Variants in MREG observed in about 807,000 individuals in gnomAD.
MREG encodes melanoregulin, also known as dilute suppressor protein homolog.
In MREG, 31 loss-of-function variants were observed where a neutral mutation model predicts 28.5. The observed-to-expected ratio is 1.09, with a 90% CI of 0.82 to 1.47. The LOEUF (loss-of-function observed/expected upper bound fraction) is 1.47. Among genes scored for constraint, MREG ranks in the 40% most tolerant of loss-of-function variants. MREG has a pLI of 0.00. For missense variants in MREG, 256 were observed against 257.4 expected, an observed-to-expected ratio of 0.99 and a Z score of 0.04; for synonymous variants, 106 against 95.2, an observed-to-expected ratio of 1.11 and a Z score of -0.66.
At chr2:215,941,734 CT>C (rs1692199671), downstream of MREG, 1 of 152,174 alleles carries the variant, frequency 6.6e-6, no homozygotes, top group African/African-American at 2.4e-5. Flanking sequence ...TCCTTGAGGT[CT>C]TTTGAAGGTA....
intron 1 of MREG, among the ~76,000 whole-genome samples, chr2:216,023,047 C>T (rs1269108156): frequency 6.6e-6 from 1 of 152,166 alleles, no homozygotes; most frequent in Admixed American, 6.5e-5. Flanking sequence ...GTTCACCATT[C>T]CTTTATATGG....
At chr2:216,018,271 A>C (rs1265111332), upstream of MREG, among the ~76,000 whole-genome samples, 1 of 152,250 alleles carries the variant, frequency 6.6e-6, no homozygotes, top group African/African-American at 2.4e-5. Context: ...TTCTACAAAA[A>C]TTTATTAAGT....
chr2:215,954,996 C>T (rs1268050294), intron 2 of MREG, among the ~76,000 whole-genome samples: 2 of 152,212 alleles, frequency 1.3e-5, no homozygotes, highest in Non-Finnish European at 2.9e-5. Context: ...AGCCACCTCA[C>T]CTGGCCACAT....
At chr2:216,007,407 A>T (rs563952423) in intron 1 of MREG, among the ~76,000 whole-genome samples, 7 of 76,436 alleles carry the variant, frequency 9.2e-5, no homozygotes, top group African/African-American at 4.5e-4. Flanking sequence ...GCAACATTTT[A>T]TTTATTTATT....
At chr2:216,024,613 C>G (rs916744990) in intron 1 of MREG, among the ~76,000 whole-genome samples, 1 of 152,002 alleles carries the variant, frequency 6.6e-6, no homozygotes, top group African/African-American at 2.4e-5. Flanking sequence ...GTGGCTCATG[C>G]CTATAATCCC....
intron 1 of MREG, among the ~76,000 whole-genome samples, chr2:216,001,732 T>C (rs1694017297): frequency 6.6e-6 from 1 of 152,188 alleles, no homozygotes; most frequent in African/African-American, 2.4e-5. Flanking sequence ...GCTCACCAGA[T>C]CCTGGGTCCC....
chr2:215,946,959 G>T (rs561492001), intron 3 of MREG, 64 bp downstream of exon 3: 14 of 948,364 alleles, frequency 1.5e-5, no homozygotes, highest in Middle Eastern at 4.5e-4. Context: ...CCATGGTGGA[G>T]AAATTGAAGA....
chr2:215,964,840 C>CAGATAGACAGATAGAT (rs1553548850), intron 2 of MREG, among the ~76,000 whole-genome samples: 1 of 149,626 alleles, frequency 6.7e-6, no homozygotes, highest in African/African-American at 2.5e-5. Flanking sequence ...GACAGACAGA[C>CAGATAGACAGATAGAT]AGATAGATAG....
At chr2:215,963,189 G>A (rs919373912) in intron 2 of MREG, among the ~76,000 whole-genome samples, 1 of 152,134 alleles carries the variant, frequency 6.6e-6, no homozygotes, top group African/African-American at 2.4e-5. Flanking sequence ...GCCAGGTGAC[G>A]TGGCTTGCAC....
chr2:215,951,583 G>C (rs183111704), intron 2 of MREG, among the ~76,000 whole-genome samples: 22 of 152,292 alleles, frequency 1.4e-4, no homozygotes, highest in Admixed American at 1.3e-3. Context: ...ATTAGCAAAG[G>C]TGTAGCAAAA....
intron 1 of MREG, among the ~76,000 whole-genome samples, chr2:215,998,420 C>CTG (rs1693930581): frequency 6.6e-6 from 1 of 152,004 alleles, no homozygotes; most frequent in African/African-American, 2.4e-5. Context: ...CCAAGGCTAG[C>CTG]AGGAGACCAG....
chr2:215,972,262 A>T (rs1693119610), intron 2 of MREG, among the ~76,000 whole-genome samples: 1 of 152,254 alleles, frequency 6.6e-6, no homozygotes, highest in Non-Finnish European at 1.5e-5. Flanking sequence ...AACTCCAGCA[A>T]GAAAGCACTG....
chr2:215,993,272 C>T (rs1427599717), intron 2 of MREG, among the ~76,000 whole-genome samples: 1 of 152,178 alleles, frequency 6.6e-6, no homozygotes, highest in African/African-American at 2.4e-5. Context: ...CGCCACACAT[C>T]TAAAACCATC....
Position 216,013,387 on chromosome 2 carries a change from T to G in MREG, c.-60A>C. 3.0e-6 allele frequency: 4 copies of G among 1,347,308 alleles called. No individual in the cohort carries two copies. Among genetic ancestry groups the G allele is most frequent in the Non-Finnish European group, 2.9e-6 (3 of 1,018,166 alleles). 83.5% of individuals were successfully genotyped at this position (1,347,308 alleles called of 1,614,324 possible). ...GGGGCCGAGTCGCCGCGGCGAGCGA[T>G]CGAGGCTGGGGCGCGGCCACCGCGC... On this transcript the variant is annotated 5_prime_UTR_variant, in exon 1 of 5. Coordinates refer to ENST00000263268, the MANE Select transcript of MREG (RefSeq NM_018000.3).
At chr2:215,963,486 T>A (rs918062308) in intron 2 of MREG, among the ~76,000 whole-genome samples, 5 of 150,002 alleles carry the variant, frequency 3.3e-5, no homozygotes, top group African/African-American at 1.3e-4. Flanking sequence ...ATTGATTACG[T>A]GTTGAAATGA....
At chr2:215,946,861 A>T (rs1472832083) in intron 3 of MREG, among the ~76,000 whole-genome samples, 162 bp downstream of exon 3, 2 of 152,234 alleles carry the variant, frequency 1.3e-5, no homozygotes, top group Admixed American at 1.3e-4. Flanking sequence ...TCAGGCATTT[A>T]TGCTTGAGGA....
chr2:216,008,380 T>C (rs540034089), intron 1 of MREG, among the ~76,000 whole-genome samples: 5 of 152,240 alleles, frequency 3.3e-5, no homozygotes, highest in Admixed American at 3.3e-4. Context: ...TAATAACTGA[T>C]AATCAAACAT....
At chr2:215,952,066 G>A (rs1416393244) in intron 2 of MREG, among the ~76,000 whole-genome samples, 2 of 152,124 alleles carry the variant, frequency 1.3e-5, no homozygotes, top group East Asian at 3.8e-4. Context: ...ATGACCTCTA[G>A]GTTCATCCAT....
At chr2:216,004,576 A>G (rs1318933041) in intron 1 of MREG, among the ~76,000 whole-genome samples, 7 of 142,532 alleles carry the variant, frequency 4.9e-5, no homozygotes, top group Admixed American at 3.5e-4. Flanking sequence ...AAAAAAAAAA[A>G]CCTGTGCCTG....
Sources: gnomAD v4.1 joint callset for allele counts (sites outside exome capture counted in the v4.1 genomes callset) on GRCh38, gnomAD v4.1.1 for gene constraint, MANE v1.5 for transcripts, NCBI Gene and HGNC (gene_info 2026-07-23, HGNC 2026-07-21) for gene names.